ANKS1B: variants seen among roughly 807,000 people sequenced by gnomAD.
ANKS1B encodes the protein ankyrin repeat and sterile alpha motif domain-containing protein 1B.
ANKS1B carries 36 observed loss-of-function variants against 148.3 expected under a neutral mutation model. The observed-to-expected ratio is 0.24, with a 90% CI of 0.19 to 0.32. The LOEUF is 0.32. Ranked by LOEUF, ANKS1B falls within the 10% of genes least tolerant of loss-of-function variation. The pLI, the probability that ANKS1B is intolerant of heterozygous loss-of-function variation, is 1.00. For synonymous variants in ANKS1B, 542 were observed against 560.8 expected (o/e 0.97, Z 0.47); for missense variants, 1,157 against 1,542.6 (o/e 0.75, Z 4.19).
At position 99,035,846 on chromosome 12, in the gene ANKS1B, A is replaced by G. The variant is rs377392050; in HGVS notation, c.2778+17311T>C. Among the ~76,000 whole-genome samples the G allele has an allele frequency of 9.8e-5, 15 of 152,288 alleles. No individual in the cohort carries two copies. The East Asian group carries it at 2.9e-3, about 29-fold the overall frequency. ...AAAAGTGGAAAAGGCAGCAGGGGTT[A>G]ATGATAAGCACGTGGCCATGGCTGG... On this transcript the variant is annotated intron_variant, in intron 17 of 26. Transcript: ENST00000683438.
At chr12:99,128,747 G>C (rs1555279572) in intron 15 of ANKS1B, among the ~76,000 whole-genome samples, 1 of 152,190 alleles carries the variant, frequency 6.6e-6, no homozygotes, top group Non-Finnish European at 1.5e-5. Context: ...ATCCAATCCT[G>C]TCACTGTTTG....
intron 12 of ANKS1B, among the ~76,000 whole-genome samples, chr12:99,300,403 T>C (rs1202447187): frequency 3.9e-5 from 6 of 152,150 alleles, no homozygotes; most frequent in Non-Finnish European, 8.8e-5. Context: ...GCTGGGCTTT[T>C]TGTTTTCTCT....
chr12:98,912,046 A>G (rs2099787549), intron 17 of ANKS1B, among the ~76,000 whole-genome samples: 1 of 152,220 alleles, frequency 6.6e-6, no homozygotes, highest in Non-Finnish European at 1.5e-5. Context: ...TGATAATAAC[A>G]GCAAACACAT....
chr12:98,802,966 G>A (rs1269737288), intron 20 of ANKS1B, among the ~76,000 whole-genome samples: 1 of 151,868 alleles, frequency 6.6e-6, no homozygotes, highest in Non-Finnish European at 1.5e-5. Flanking sequence ...ATTAACTTTA[G>A]CATTTTTGTC....
intron 1 of ANKS1B, among the ~76,000 whole-genome samples, chr12:99,876,596 G>A (rs2092075926): frequency 6.6e-6 from 1 of 152,022 alleles, no homozygotes; most frequent in Admixed American, 6.6e-5. Context: ...GCCGGGAGTG[G>A]TGGCGTGCCT....
intron 14 of ANKS1B, among the ~76,000 whole-genome samples, chr12:99,183,815 T>C (rs1190092384): frequency 6.6e-6 from 1 of 152,174 alleles, no homozygotes; most frequent in Non-Finnish European, 1.5e-5. Context: ...CCTGACCTCA[T>C]ATGGCCAAGG....
intron 17 of ANKS1B, among the ~76,000 whole-genome samples, chr12:98,893,898 A>C (rs1359882227): frequency 6.6e-6 from 1 of 152,236 alleles, no homozygotes; most frequent in Non-Finnish European, 1.5e-5. Context: ...ATACGGGGCG[A>C]TGGCAGCATC....
rs1298239925 is a variant in ANKS1B at position 98,829,884 on chromosome 12, C to G, written c.2887-531G>C. 6.6e-6 allele frequency among the ~76,000 whole-genome samples: 1 copy of G among 152,226 alleles called. No individual in the cohort carries two copies. Among genetic ancestry groups the G allele is most frequent in the African/African-American group, 2.4e-5 (1 of 41,462 alleles). On this transcript the variant is annotated intron_variant, in intron 18 of 26. Transcript: ENST00000683438. This position sits in a 1 kb window ranked among gnomAD's most constrained non-coding sequence, Gnocchi z 5.2. ...AGAGGATGCTTTTCCAAGGCAAAGA[C>G]AACTCCATCCAAGGGAAACGGGTCA...
chr12:98,956,374 C>T (rs1452274373), intron 17 of ANKS1B: 9 of 152,206 alleles, frequency 5.9e-5, no homozygotes, highest in Admixed American at 2.6e-4. Context: ...AGTCTCCAAT[C>T]GATCCTTCAC....
chr12:98,962,503 T>A (rs1302858754), intron 17 of ANKS1B, among the ~76,000 whole-genome samples: 1 of 151,858 alleles, frequency 6.6e-6, no homozygotes, highest in Non-Finnish European at 1.5e-5. Flanking sequence ...CAATAATAGC[T>A]GGAGACTTCA....
At chr12:99,210,630 C>T (rs2083223929) in intron 14 of ANKS1B, among the ~76,000 whole-genome samples, 1 of 152,218 alleles carries the variant, frequency 6.6e-6, no homozygotes, top group Non-Finnish European at 1.5e-5. Context: ...GCCTTGCTGA[C>T]ACTTCTTATT....
chr12:99,554,077 T>C (rs1180963234), intron 9 of ANKS1B, among the ~76,000 whole-genome samples: 1 of 151,978 alleles, frequency 6.6e-6, no homozygotes, highest in Admixed American at 6.5e-5. Context: ...AGCCCAGATA[T>C]GAAGAGAAAG....
chr12:98,829,448 G>T lies in ANKS1B; in HGVS notation c.2887-95C>A. 7.8e-7 allele frequency: 1 copy of T among 1,277,920 alleles called. No homozygotes were observed. Among genetic ancestry groups the T allele is most frequent in the South Asian group, 1.5e-5 (1 of 68,244 alleles). The allele number at this position is 1,277,920 out of a possible 1,614,324, so 79.2% of individuals were successfully genotyped here. ...TACTGACAAGACAAACTGTGGGGGT[G>T]GGGAGTCGCTTTTGAAGCAACAGCC... On this transcript the variant is annotated intron_variant, in intron 18 of 26. Coordinates refer to ENST00000683438, the MANE Select transcript of ANKS1B (RefSeq NM_001352186.2). The surrounding 1 kb of genome is among the most constrained non-coding windows in gnomAD (Gnocchi z 5.2).
At chr12:99,508,471 G>A (rs1012501337) in intron 9 of ANKS1B, among the ~76,000 whole-genome samples, 7 of 151,540 alleles carry the variant, frequency 4.6e-5, no homozygotes, top group African/African-American at 1.7e-4. Flanking sequence ...AGTGGCAGGA[G>A]GGTTCAAAGG....
At chr12:99,914,694 G>A (rs2094114857) in intron 1 of ANKS1B, among the ~76,000 whole-genome samples, 1 of 152,118 alleles carries the variant, frequency 6.6e-6, no homozygotes, top group Non-Finnish European at 1.5e-5. Context: ...GAAAGGGGGA[G>A]GGTGGTGATG....
At chr12:99,687,678 A>G (rs1555547241) in intron 8 of ANKS1B, among the ~76,000 whole-genome samples, 1 of 151,688 alleles carries the variant, frequency 6.6e-6, no homozygotes, top group Non-Finnish European at 1.5e-5. Flanking sequence ...CACTTGAGTC[A>G]TTTTTTTCTT....
chr12:99,070,489 T>C (rs887713707), intron 16 of ANKS1B, among the ~76,000 whole-genome samples: 1 of 152,200 alleles, frequency 6.6e-6, no homozygotes, highest in Non-Finnish European at 1.5e-5. Context: ...ATGAAATTTA[T>C]AGCTGGATTG....
At chr12:99,057,214 T>C (rs1212431359) in intron 16 of ANKS1B, among the ~76,000 whole-genome samples, 2 of 152,230 alleles carry the variant, frequency 1.3e-5, no homozygotes, top group African/African-American at 4.8e-5. Flanking sequence ...TCCTCTTTTT[T>C]AGAATAAGCA....
intron 17 of ANKS1B, among the ~76,000 whole-genome samples, chr12:98,865,502 C>T (rs1180251011): frequency 1.3e-5 from 2 of 152,186 alleles, no homozygotes; most frequent in Non-Finnish European, 2.9e-5. Context: ...AACAAAAACA[C>T]TCCTGCCCTC....
Sources: gnomAD v4.1 joint callset for allele counts (sites outside exome capture counted in the v4.1 genomes callset) on GRCh38, gnomAD v4.1.1 for gene constraint, Gnocchi (gnomAD v3.1) non-coding constraint, MANE v1.5 for transcripts, NCBI Gene and HGNC (gene_info 2026-07-23, HGNC 2026-07-21) for gene names.